GASK1A: variants seen among roughly 807,000 people sequenced by gnomAD.
The protein encoded by GASK1A is Golgi-associated kinase 1A.
In GASK1A, 40 loss-of-function variants were observed where a neutral mutation model predicts 41.2. The observed-to-expected ratio is 0.97, with a 90% CI of 0.75 to 1.27. The LOEUF (loss-of-function observed/expected upper bound fraction) is 1.27, where lower values mean the gene tolerates loss of function less well. GASK1A is among the 50% of genes most tolerant of loss of function. The probability of loss-of-function intolerance (pLI) is 0.00; values close to 1 mark genes in which losing one functional copy is unlikely to be tolerated. For missense variants in GASK1A, 678 were observed against 745.1 expected, an observed-to-expected ratio of 0.91 and a Z score of 1.05; for synonymous variants, 316 against 307.1, an observed-to-expected ratio of 1.03 and a Z score of -0.30.
At position 42,981,543 on chromosome 3, in the gene GASK1A, G is replaced by T. The variant is rs548410352; in HGVS notation, c.3+1898G>T. ...GTGCTTAGCATGAACAACTAAAAAG[G>T]TGTGGGGAAGAAGTGGTTCTCAGCC... is the stretch of plus-strand genomic sequence containing the variant. On this transcript the variant is annotated intron_variant, in intron 1 of 4. Transcript: ENST00000430121. 2.0e-5 allele frequency among the ~76,000 whole-genome samples: 3 copies of T among 152,270 alleles called. No individual in the cohort carries two copies. In the East Asian group the frequency reaches 5.8e-4, roughly 29 times the overall value.
intron 1 of GASK1A, among the ~76,000 whole-genome samples, chr3:42,999,508 G>A (rs115851811): frequency 0.025 from 3,788 of 152,276 alleles, 171 homozygotes; most frequent in African/African-American, 0.086. Flanking sequence ...TGGCTCTCTC[G>A]CAGCCCACCC....
At chr3:42,989,115 C>A (rs2089327807) in intron 1 of GASK1A, among the ~76,000 whole-genome samples, 1 of 152,200 alleles carries the variant, frequency 6.6e-6, no homozygotes. Flanking sequence ...CAGTCCCTTT[C>A]ATTCTTATCT....
At chr3:43,003,631 G>A (rs951704243) in intron 1 of GASK1A, among the ~76,000 whole-genome samples, 7 of 152,140 alleles carry the variant, frequency 4.6e-5, no homozygotes, top group Non-Finnish European at 7.4e-5. Context: ...AGGTCTCAAA[G>A]TGGGGCTCAG....
intron 2 of GASK1A, among the ~76,000 whole-genome samples, chr3:43,047,365 C>T (rs2089669275): frequency 1.3e-5 from 2 of 152,234 alleles, no homozygotes; most frequent in South Asian, 4.1e-4. Flanking sequence ...AATGAACTCT[C>T]TAACCCTGTC....
chr3:43,041,621 C>T (rs974693072), intron 2 of GASK1A, among the ~76,000 whole-genome samples: 2 of 152,156 alleles, frequency 1.3e-5, no homozygotes, highest in Non-Finnish European at 2.9e-5. Context: ...TTAACTTTGC[C>T]ACCATCCACC....
At chr3:42,980,186 G>A (rs2089275634) in intron 1 of GASK1A, among the ~76,000 whole-genome samples, 1 of 152,204 alleles carries the variant, frequency 6.6e-6, no homozygotes, top group Non-Finnish European at 1.5e-5. Context: ...CTCCCCGACA[G>A]GAGGACTGTT....
intron 1 of GASK1A, among the ~76,000 whole-genome samples, chr3:42,989,307 T>A (rs2089328933): frequency 6.6e-6 from 1 of 152,198 alleles, no homozygotes. Flanking sequence ...ATTTGCTTTC[T>A]GTCTCCAGGT....
At chr3:43,034,041 G>A (rs893714698) in intron 2 of GASK1A, among the ~76,000 whole-genome samples, 3 of 152,178 alleles carry the variant, frequency 2.0e-5, no homozygotes, top group Admixed American at 6.5e-5. Context: ...TTACACCATG[G>A]AAAGCAGCAA....
intron 1 of GASK1A, among the ~76,000 whole-genome samples, chr3:43,024,119 C>T (rs541830531): frequency 2.0e-5 from 3 of 152,214 alleles, no homozygotes; most frequent in Admixed American, 6.5e-5. Flanking sequence ...ACTGCCCCTC[C>T]GAGGGTTAGC....
chr3:42,994,370 G>C (rs186162639), intron 1 of GASK1A, among the ~76,000 whole-genome samples: 2 of 152,106 alleles, frequency 1.3e-5, no homozygotes, highest in African/African-American at 2.4e-5. Flanking sequence ...AGGGGGATGG[G>C]GAAGGCCAAT....
chr3:43,017,031 G>C (rs961923664), intron 1 of GASK1A, among the ~76,000 whole-genome samples: 2 of 150,376 alleles, frequency 1.3e-5, no homozygotes, highest in Non-Finnish European at 3.0e-5. Flanking sequence ...ACCATGTAAA[G>C]TCACAGGAAG....
At chr3:42,982,464 A>T (rs569405117) in intron 1 of GASK1A, among the ~76,000 whole-genome samples, 1 of 152,360 alleles carries the variant, frequency 6.6e-6, no homozygotes, top group South Asian at 2.1e-4. Flanking sequence ...TTCACCACAC[A>T]TGGAATTTTG....
chr3:43,002,300 C>G (rs1041421015), intron 1 of GASK1A, among the ~76,000 whole-genome samples: 1 of 152,136 alleles, frequency 6.6e-6, no homozygotes, highest in Non-Finnish European at 1.5e-5. Flanking sequence ...GATGGCATAT[C>G]AATTTCTTTC....
chr3:43,007,634 C>T (rs1169303480), intron 1 of GASK1A, among the ~76,000 whole-genome samples: 2 of 152,226 alleles, frequency 1.3e-5, no homozygotes, highest in Non-Finnish European at 2.9e-5. Context: ...TACTCATTCA[C>T]CTGCTTTCCA....
chr3:43,018,392 A>G (rs1366627440), intron 1 of GASK1A, among the ~76,000 whole-genome samples: 1 of 152,164 alleles, frequency 6.6e-6, no homozygotes, highest in Non-Finnish European at 1.5e-5. Context: ...CACAAGTCAG[A>G]TGTTTTCAAT....
chr3:42,979,792 G>A, intron 1 of GASK1A, 147 bp downstream of exon 1: 1 of 820,108 alleles, frequency 1.2e-6, no homozygotes, highest in Non-Finnish European at 1.6e-6. Context: ...GCATGGGGCG[G>A]CGGCGGCTTT....
chr3:42,980,943 G>T lies in GASK1A; in HGVS notation c.3+1298G>T, dbSNP rs148199384. Among the ~76,000 whole-genome samples, 463 of 152,292 alleles carry T rather than the reference G, an allele frequency of 3.0e-3. 2 individuals carry two copies. Among genetic ancestry groups the T allele is most frequent in the African/African-American group, 9.3e-3 (386 of 41,568 alleles). ...AACTCAGGCCACAGCCATCCACTCCGAGGGGCATTAGCATGCTGGAGTCTC... is the reference window on the plus strand; with the variant it reads ...AACTCAGGCCACAGCCATCCACTCCTAGGGGCATTAGCATGCTGGAGTCTC... On this transcript the variant is annotated intron_variant, in intron 1 of 4. Coordinates refer to ENST00000430121, the MANE Select transcript of GASK1A (RefSeq NM_001129908.3).
In GASK1A at chr3:42,984,314, T is replaced by C. The variant is rs13080523; in HGVS notation, c.3+4669T>C. Reference sequence around the variant, plus strand: ...ACTTCCTATCTCTCTCTCTCTCTCTTTCTCTCTCTCTCACACACACACACG... The same window carrying C: ...ACTTCCTATCTCTCTCTCTCTCTCTCTCTCTCTCTCTCACACACACACACG... On this transcript the variant is annotated intron_variant, in intron 1 of 4. Coordinates refer to ENST00000430121, the MANE Select transcript of GASK1A (RefSeq NM_001129908.3). This position sits in a 1 kb window ranked among gnomAD's most constrained non-coding sequence, Gnocchi z 4.2. 1.2e-5 allele frequency among the ~76,000 whole-genome samples: 1 copy of C among 85,028 alleles called. No individual in the cohort carries two copies. Among genetic ancestry groups the C allele is most frequent in the South Asian group, 4.6e-4 (1 of 2,160 alleles). 55.8% of individuals were successfully genotyped at this position (85,028 alleles called of 152,430 possible).
At chr3:43,054,288 T>C (rs1171474545) in intron 3 of GASK1A, 2 of 158,554 alleles carry the variant, frequency 1.3e-5, no homozygotes, top group African/African-American at 4.8e-5. Context: ...TGTCCAGGGA[T>C]GGGCTTCAGG....
Sources: allele counts gnomAD v4.1 joint callset (sites outside exome capture counted in the v4.1 genomes callset), GRCh38; gene constraint gnomAD v4.1.1; non-coding constraint Gnocchi (gnomAD v3.1); transcripts MANE v1.5; gene names NCBI Gene and HGNC (gene_info 2026-07-23, HGNC 2026-07-21).